ST7: variants seen among roughly 807,000 people sequenced by gnomAD.
ST7 encodes suppression of tumorigenicity 7, also known as suppressor of tumorigenicity 7 protein.
A neutral mutation model predicts 78.7 loss-of-function variants in ST7; 28 were observed. The observed-to-expected ratio is 0.36, with a 90% CI of 0.26 to 0.49. ST7 has a LOEUF of 0.49. Ranked by LOEUF, ST7 falls within the 20% of genes least tolerant of loss-of-function variation. The pLI, the probability that ST7 is intolerant of heterozygous loss-of-function variation, is 0.99. For synonymous variants in ST7, 247 were observed against 249.6 expected (o/e 0.99, Z 0.10); for missense variants, 418 against 696.0 (o/e 0.60, Z 4.49).
chr7:116,988,912 G>T (rs1157637874), intron 1 of ST7, among the ~76,000 whole-genome samples: 2 of 152,126 alleles, frequency 1.3e-5, no homozygotes, highest in Non-Finnish European at 2.9e-5. Context: ...CCTACTGAGG[G>T]TTTATGATGC....
chr7:116,990,809 A>G (rs893971925), intron 1 of ST7, among the ~76,000 whole-genome samples: 10 of 152,278 alleles, frequency 6.6e-5, no homozygotes, highest in Non-Finnish European at 1.5e-4. Flanking sequence ...CACACCATAT[A>G]CTTTACTAAT....
At chr7:117,035,840 A>G (rs1796870426) in intron 1 of ST7, among the ~76,000 whole-genome samples, 1 of 151,780 alleles carries the variant, frequency 6.6e-6, no homozygotes, top group African/African-American at 2.4e-5. Context: ...TCCTGAGTGA[A>G]TACATTTTTT....
chr7:117,188,142 A>G (rs746245690), intron 10 of ST7, among the ~76,000 whole-genome samples: 2 of 152,154 alleles, frequency 1.3e-5, no homozygotes, highest in Non-Finnish European at 2.9e-5. Context: ...TTCCTTAGGA[A>G]TCTCCTTGGA....
intron 1 of ST7, among the ~76,000 whole-genome samples, chr7:116,960,184 T>G (rs146464636): frequency 5.8e-4 from 89 of 152,178 alleles, no homozygotes; most frequent in East Asian, 5.0e-3. Context: ...GATTCTTTTT[T>G]TTTTGTTTTG....
chr7:117,010,283 ATCTG>A (rs1455206035), intron 1 of ST7, among the ~76,000 whole-genome samples: 1 of 152,220 alleles, frequency 6.6e-6, no homozygotes, highest in Non-Finnish European at 1.5e-5. Flanking sequence ...CTAGATGCTC[ATCTG>A]TCTTAGCTTA....
At chr7:117,195,270 A>G (rs1406029451) in intron 12 of ST7, among the ~76,000 whole-genome samples, 1 of 152,186 alleles carries the variant, frequency 6.6e-6, no homozygotes, top group Non-Finnish European at 1.5e-5. Context: ...TAAAAAGGTT[A>G]TCCTCCAACT....
intron 15 of ST7, among the ~76,000 whole-genome samples, chr7:117,226,728 G>C (rs1793471016): frequency 6.6e-6 from 1 of 152,162 alleles, no homozygotes; most frequent in African/African-American, 2.4e-5. Flanking sequence ...GCTTGCTGTG[G>C]GGGAAGGTGG....
intron 1 of ST7, among the ~76,000 whole-genome samples, chr7:117,010,412 G>C (rs1466115233): frequency 6.6e-6 from 1 of 152,158 alleles, no homozygotes; most frequent in Non-Finnish European, 1.5e-5. Flanking sequence ...CTCACATTTT[G>C]GGATAGGCCA....
chr7:117,180,032 T>G (rs1008877626), intron 10 of ST7, among the ~76,000 whole-genome samples: 3 of 152,234 alleles, frequency 2.0e-5, no homozygotes, highest in Admixed American at 6.5e-5. Flanking sequence ...TTTTCTTTCT[T>G]AAGCAACAAA....
At chr7:117,123,894 C>T (rs903054960) in intron 3 of ST7, among the ~76,000 whole-genome samples, 1 of 152,092 alleles carries the variant, frequency 6.6e-6, no homozygotes, top group Non-Finnish European at 1.5e-5. Flanking sequence ...CTCTGAGATA[C>T]TTTAATAGCC....
At chr7:117,065,228 AGACGGAGTCTGGC>A (rs1798570015) in intron 1 of ST7, among the ~76,000 whole-genome samples, 1 of 70,612 alleles carries the variant, frequency 1.4e-5, no homozygotes, top group Non-Finnish European at 2.7e-5. Context: ...TTTTTTTTTT[AGACGGAGTCTGGC>A]ACTATCGCCT....
chr7:117,188,987 C>G (rs1809533174), intron 10 of ST7, among the ~76,000 whole-genome samples: 1 of 152,062 alleles, frequency 6.6e-6, no homozygotes, highest in Non-Finnish European at 1.5e-5. Context: ...TCTTTCACAT[C>G]AAGGATATTC....
chr7:116,967,207 G>T (rs1004273893), intron 1 of ST7: 2 of 424,044 alleles, frequency 4.7e-6, no homozygotes, highest in African/African-American at 2.0e-5. Flanking sequence ...TAGGACGAAG[G>T]CTATATTGGT....
chr7:117,180,720 G>C (rs1156240124), intron 10 of ST7, among the ~76,000 whole-genome samples: 1 of 152,194 alleles, frequency 6.6e-6, no homozygotes, highest in Non-Finnish European at 1.5e-5. Flanking sequence ...CATGATCACA[G>C]CTCACTGCAG....
chr7:116,958,721 A>G (rs1261446836), intron 1 of ST7: 1 of 470,842 alleles, frequency 2.1e-6, no homozygotes, highest in Admixed American at 2.3e-5. Context: ...CCCAGTGCAT[A>G]TAAAAGTTAT....
At chr7:117,099,869 T>TA (rs1801432801) in intron 2 of ST7, 25 bp downstream of exon 2, 1 of 1,574,436 alleles carries the variant, frequency 6.4e-7, no homozygotes, top group Middle Eastern at 1.7e-4. Flanking sequence ...CCTTCTCATT[T>TA]AAAAACATGC....
At chr7:117,017,000 A>T (rs1371407291) in intron 1 of ST7, among the ~76,000 whole-genome samples, 1 of 152,178 alleles carries the variant, frequency 6.6e-6, no homozygotes, top group Non-Finnish European at 1.5e-5. Flanking sequence ...GAACAGATTT[A>T]TTATTAAAAT....
chr7:117,002,185 G>T (rs1014134651), intron 1 of ST7, among the ~76,000 whole-genome samples: 2 of 152,074 alleles, frequency 1.3e-5, no homozygotes, highest in African/African-American at 4.8e-5. Context: ...CCGAGGTCGC[G>T]CCACTGTACT....
chr7:116,986,535 G>A (rs1444734475), intron 1 of ST7, among the ~76,000 whole-genome samples: 2 of 152,094 alleles, frequency 1.3e-5, no homozygotes, highest in African/African-American at 2.4e-5. Flanking sequence ...GATTCCAGCT[G>A]CTTCAGTTTT....
Sources: gnomAD v4.1 joint callset for allele counts (sites outside exome capture counted in the v4.1 genomes callset) on GRCh38, gnomAD v4.1.1 for gene constraint, MANE v1.5 for transcripts, NCBI Gene and HGNC (gene_info 2026-07-23, HGNC 2026-07-21) for gene names.